Variants in COL24A1 observed in about 807,000 individuals in gnomAD.
The protein encoded by COL24A1 is collagen alpha-1(XXIV) chain.
A neutral mutation model predicts 253.9 loss-of-function variants in COL24A1; 224 were observed. That is an observed-to-expected ratio of 0.88 (90% CI 0.79 to 0.99). The LOEUF (loss-of-function observed/expected upper bound fraction) is 0.99, where lower values mean the gene tolerates loss of function less well. Ranked by LOEUF, COL24A1 falls within the 50% of genes least tolerant of loss-of-function variation. The pLI is 0.00. For missense variants in COL24A1, 2,131 were observed against 2,068.5 expected (o/e 1.03, Z -0.59); for synonymous variants, 685 against 673.7 (o/e 1.02, Z -0.26).
Position 85,970,243 on chromosome 1 carries a change from C to A in COL24A1, c.2447G>T (p.Gly816Val). The A allele has an allele frequency of 6.3e-7, 1 of 1,595,254 alleles. No homozygotes were observed. The highest frequency in any genetic ancestry group is 8.5e-7 in the Non-Finnish European group (1 of 1,171,694). ...GATACCTACTCTTGGCCCCAGTTCC[C>A]CAAAGGCTCCAATTGGTCCTTCTTC... ...QGEEGPIGAF[G>V]ELGPRGKPGQ... Residue 816 changes from glycine (G) to valine (V), a missense_variant, in exon 22 of 60, where the codon GGG becomes GTG. Transcript: ENST00000370571.
Position 85,877,138 on chromosome 1 carries a change from C to T in COL24A1, c.3014G>A (p.Gly1005Glu), listed in dbSNP as rs1681269249. 1 of 1,606,108 alleles carries T rather than the reference C, an allele frequency of 6.2e-7. No individual in the cohort carries two copies. Residue 1005 changes from glycine (G) to glutamate (E), a missense_variant, in exon 33 of 60, where the codon GGA becomes GAA. Gly to Glu is a moderately conservative substitution (Grantham distance 98). Coordinates refer to ENST00000370571, the MANE Select transcript of COL24A1 (RefSeq NM_152890.7). ...AAAATTTACCTCCATGCCCATTTCT[C>T]CAGGAGGTCCAACATCACCTTGCAG... ...RGLQGDVGPP[G>E]EMGMEGPPGT... is the part of the protein sequence containing the mutation.
chr1:85,810,526 A>G (rs1272557193), intron 47 of COL24A1, among the ~76,000 whole-genome samples: 2 of 151,854 alleles, frequency 1.3e-5, no homozygotes, highest in African/African-American at 2.4e-5. Context: ...CATAGTTTGG[A>G]TATTTGTCCC....
intron 47 of COL24A1, among the ~76,000 whole-genome samples, chr1:85,794,654 A>G (rs1670631711): frequency 6.6e-6 from 1 of 152,218 alleles, no homozygotes; most frequent in African/African-American, 2.4e-5. Context: ...TTTGTTTGCA[A>G]GAGAAACAGA....
At chr1:86,046,579 A>G (rs1699919139) in intron 12 of COL24A1, among the ~76,000 whole-genome samples, 1 of 152,144 alleles carries the variant, frequency 6.6e-6, no homozygotes, top group South Asian at 2.1e-4. Flanking sequence ...TGCCGTAGAG[A>G]TAAGGGTTTT....
At chr1:85,902,762 T>G (rs1558592880) in intron 28 of COL24A1, among the ~76,000 whole-genome samples, 1 of 152,080 alleles carries the variant, frequency 6.6e-6, no homozygotes, top group Non-Finnish European at 1.5e-5. Context: ...GAAGGGTGTA[T>G]GGATGGGAGA....
At chr1:86,098,247 C>T (rs1158219246) in intron 5 of COL24A1, among the ~76,000 whole-genome samples, 1 of 149,518 alleles carries the variant, frequency 6.7e-6, no homozygotes, top group African/African-American at 2.5e-5. Context: ...ACCAGAATGA[C>T]TGTAAATTGG....
intron 20 of COL24A1, among the ~76,000 whole-genome samples, chr1:85,985,983 A>G (rs2100907840): frequency 6.6e-6 from 1 of 151,940 alleles, no homozygotes; most frequent in Non-Finnish European, 1.5e-5. Context: ...CCTTTTCACA[A>G]GTTTCTTTTT....
intron 2 of COL24A1, among the ~76,000 whole-genome samples, chr1:86,139,179 A>AG (rs35428893): frequency 0.91 from 133,403 of 146,234 alleles, 62,069 homozygotes; most frequent in Non-Finnish European, 0.99. Flanking sequence ...AGAAGGAGAA[A>AG]GGGGGGGGAG....
In COL24A1 at chr1:85,868,523, A is replaced by T. The variant is rs1265875081; in HGVS notation, c.3296T>A (p.Leu1099His). The change falls in exon 37 of 60, where the codon CTT becomes CAT. Residue 1099 changes from leucine (L) to histidine (H), a missense_variant. Physicochemically the swap from Leu to His is moderately conservative, Grantham distance 99. Transcript: ENST00000370571. The stretch of plus-strand genomic sequence containing the variant: ...AGTGAACCCAGCAGTACTTACCGGA[A>T]GGCCTGTTTGGCCTGATCTACCCAA... ...GPLGRSGQTG[L>H]PGPEGIVGIP... 6.2e-7 allele frequency: 1 copy of T among 1,612,302 alleles called. No individual in the cohort carries two copies. Among genetic ancestry groups the T allele is most frequent in the Admixed American group, 1.7e-5 (1 of 59,948 alleles).
At chr1:86,080,452 A>C (rs925232497) in intron 7 of COL24A1, among the ~76,000 whole-genome samples, 8 of 152,188 alleles carry the variant, frequency 5.3e-5, no homozygotes, top group Admixed American at 4.6e-4. Flanking sequence ...TGTTTGTAAC[A>C]CACAGGATAA....
intron 2 of COL24A1, among the ~76,000 whole-genome samples, chr1:86,138,888 T>C (rs1650661236): frequency 6.6e-6 from 1 of 151,952 alleles, no homozygotes. Context: ...CTGCTAAGTA[T>C]ATCCCTTCAT....
At position 86,063,775 on chromosome 1, in the gene COL24A1, T is replaced by A. The variant is rs1415324929; in HGVS notation, c.1708-16A>T. 6.6e-7 allele frequency: 1 copy of A among 1,515,970 alleles called. No homozygotes were observed. 93.9% of individuals were successfully genotyped at this position (1,515,970 alleles called of 1,614,324 possible). On this transcript the variant is annotated splice_polypyrimidine_tract_variant and intron_variant, in intron 7 of 59. Coordinates refer to ENST00000370571, the MANE Select transcript of COL24A1 (RefSeq NM_152890.7). ...CTTTGAGACCCTGTAAAAGAATAAG[T>A]GGAGACATGCTATGAAAAGTAAACT... is the stretch of plus-strand genomic sequence containing the variant.
Position 85,830,990 on chromosome 1 carries a change from T to C in COL24A1, c.3682-7252A>G, listed in dbSNP as rs145125702. 1.3e-3 allele frequency among the ~76,000 whole-genome samples: 203 copies of C among 152,264 alleles called. 1 individual carries two copies. The highest frequency in any genetic ancestry group is 3.4e-3 in the Middle Eastern group (1 of 294). On this transcript the variant is annotated intron_variant, in intron 43 of 59. Transcript: ENST00000370571. ...CAGCAAAGTCAGTTGAAGGCTTCTT[T>C]GTTTGCATTCTGAGGCAAATGTTTA...
intron 35 of COL24A1, among the ~76,000 whole-genome samples, chr1:85,872,630 G>C (rs1385832071): frequency 2.0e-5 from 3 of 152,112 alleles, no homozygotes; most frequent in Admixed American, 2.0e-4. Context: ...AAACTGGCTA[G>C]CCATATGTAG....
At chr1:85,901,816 C>T (rs1452859616) in intron 28 of COL24A1, among the ~76,000 whole-genome samples, 5 of 86,416 alleles carry the variant, frequency 5.8e-5, no homozygotes, top group African/African-American at 1.3e-4. Flanking sequence ...CAGGATGAGA[C>T]TCCGTCTCAA....
At chr1:85,832,352 A>C (rs964537968) in intron 43 of COL24A1, among the ~76,000 whole-genome samples, 3 of 152,152 alleles carry the variant, frequency 2.0e-5, no homozygotes, top group Non-Finnish European at 2.9e-5. Flanking sequence ...GTTTGAAGTC[A>C]GGTAGCGTGA....
intron 18 of COL24A1, among the ~76,000 whole-genome samples, chr1:86,021,464 T>C (rs574013864): frequency 2.0e-5 from 3 of 152,070 alleles, no homozygotes; most frequent in Non-Finnish European, 4.4e-5. Flanking sequence ...ACCTACTAAG[T>C]AGGTGGCCAC....
Position 85,911,432 on chromosome 1 carries a change from C to A in COL24A1, c.2564G>T (p.Gly855Val). The A allele has an allele frequency of 2.5e-6, 4 of 1,611,452 alleles. No homozygotes were observed. The highest frequency in any genetic ancestry group is 3.4e-6 in the Non-Finnish European group (4 of 1,178,496). Residue 855 changes from glycine (G) to valine (V), a missense_variant and splice_region_variant, in exon 25 of 60, where the codon GGA becomes GTA. Gly to Val is a moderately radical substitution (Grantham distance 109, BLOSUM62 -3). Transcript: ENST00000370571. ...AACTTCTCCAGGTAAGCCAACAGGT[C>A]CCTTTTAGGAAAAAAAAATAACAGA... ...QGNIGKIGET[G>V]PVGLPGEVGM... is the part of the protein sequence containing the mutation.
At chr1:86,026,525 C>T (rs1355456228) in intron 14 of COL24A1, among the ~76,000 whole-genome samples, 1 of 152,204 alleles carries the variant, frequency 6.6e-6, no homozygotes, top group Non-Finnish European at 1.5e-5. Flanking sequence ...TCCTGCCACC[C>T]TGTGAAGAAG....
Sources: allele counts gnomAD v4.1 joint callset (sites outside exome capture counted in the v4.1 genomes callset), GRCh38; gene constraint gnomAD v4.1.1; transcripts MANE v1.5; gene names NCBI Gene and HGNC (gene_info 2026-07-23, HGNC 2026-07-21).